Variants in SLC9A9 observed in about 807,000 individuals in gnomAD.
SLC9A9 encodes the protein sodium/hydrogen exchanger 9.
A neutral mutation model predicts 77.8 loss-of-function variants in SLC9A9; 62 were observed. The ratio of observed to expected loss-of-function variants is 0.80; its 90% CI spans 0.65 to 0.98. The LOEUF is 0.98. Among genes scored for constraint, SLC9A9 ranks in the 50% least tolerant of loss-of-function variants. The pLI is 0.00. For synonymous variants in SLC9A9, 320 were observed against 283.5 expected (o/e 1.13, Z -1.29); for missense variants, 775 against 774.9 (o/e 1.00, Z 0.00).
intron 9 of SLC9A9, among the ~76,000 whole-genome samples, chr3:143,551,306 C>T (rs536370820): frequency 4.6e-5 from 7 of 152,278 alleles, no homozygotes; most frequent in East Asian, 3.9e-4. Context: ...AATACATTCC[C>T]GTTATGTAAG....
At chr3:143,790,192 T>C (rs527934197) in intron 4 of SLC9A9, among the ~76,000 whole-genome samples, 148 of 152,304 alleles carry the variant, frequency 9.7e-4, no homozygotes, top group African/African-American at 2.8e-3. Context: ...TCTGCCATGA[T>C]TGTAAGTTTC....
chr3:143,625,935 C>T (rs2038316037), intron 6 of SLC9A9, among the ~76,000 whole-genome samples: 1 of 152,136 alleles, frequency 6.6e-6, no homozygotes, highest in South Asian at 2.1e-4. Context: ...AACAACCAAC[C>T]CCATCAAAAT....
At chr3:143,643,596 C>T (rs1339853833) in intron 6 of SLC9A9, among the ~76,000 whole-genome samples, 1 of 152,206 alleles carries the variant, frequency 6.6e-6, no homozygotes, top group Non-Finnish European at 1.5e-5. Flanking sequence ...TTGTTTCTCA[C>T]ACTTGGAGAA....
chr3:143,665,745 A>G (rs2039054661), intron 5 of SLC9A9, among the ~76,000 whole-genome samples: 1 of 152,232 alleles, frequency 6.6e-6, no homozygotes. Context: ...AAATGGATAA[A>G]TTCCTGGACA....
chr3:143,428,881 G>A (rs1389851788), intron 12 of SLC9A9, among the ~76,000 whole-genome samples: 3 of 152,230 alleles, frequency 2.0e-5, no homozygotes, highest in African/African-American at 4.8e-5. Flanking sequence ...TACAGGTAGA[G>A]AGTAGAATAG....
chr3:143,363,362 GT>G, intron 14 of SLC9A9, 121 bp downstream of exon 14: 2 of 879,384 alleles, frequency 2.3e-6, no homozygotes, highest in Non-Finnish European at 3.7e-6. Flanking sequence ...AAGTTTGGCT[GT>G]GAATTCACTT....
At chr3:143,326,018 C>T (rs1033315143) in intron 14 of SLC9A9, among the ~76,000 whole-genome samples, 3 of 152,124 alleles carry the variant, frequency 2.0e-5, no homozygotes, top group African/African-American at 4.8e-5. Flanking sequence ...CATGCAAGTG[C>T]TCTGCGAAAA....
In SLC9A9 at chr3:143,318,286, C is replaced by T. The variant is rs147594881; in HGVS notation, c.1604+45198G>A. On this transcript the variant is annotated intron_variant, in intron 14 of 15. Transcript: ENST00000316549. ...TTTAGACAGGAAAATGAGAAATAAA[C>T]AACTGAGAACGATATTAGGAAGAAG... is the stretch of plus-strand genomic sequence containing the variant. Among the ~76,000 whole-genome samples the T allele has an allele frequency of 3.3e-4, 50 of 152,218 alleles. No homozygotes were observed. The East Asian group carries it at 8.3e-3, about 25-fold the overall frequency.
At chr3:143,400,834 G>C (rs767631623) in intron 12 of SLC9A9, among the ~76,000 whole-genome samples, 1 of 151,970 alleles carries the variant, frequency 6.6e-6, no homozygotes, top group Non-Finnish European at 1.5e-5. Flanking sequence ...GAGACATCCT[G>C]TCTCTCAGGA....
intron 5 of SLC9A9, among the ~76,000 whole-genome samples, chr3:143,660,361 C>T (rs2038960560): frequency 6.6e-6 from 1 of 152,140 alleles, no homozygotes; most frequent in Non-Finnish European, 1.5e-5. Flanking sequence ...CTTGCAAGAG[C>T]CAGAGAGAGA....
At chr3:143,595,803 C>T (rs1220640520) in intron 6 of SLC9A9, among the ~76,000 whole-genome samples, 2 of 152,126 alleles carry the variant, frequency 1.3e-5, no homozygotes, top group African/African-American at 2.4e-5. Context: ...GTTTAATCCC[C>T]GATCTGGCAC....
intron 6 of SLC9A9, among the ~76,000 whole-genome samples, chr3:143,589,490 G>C (rs1342184578): frequency 2.0e-5 from 3 of 151,922 alleles, no homozygotes; most frequent in Non-Finnish European, 4.4e-5. Context: ...TTACCATTGG[G>C]TTATAACTGC....
intron 12 of SLC9A9, among the ~76,000 whole-genome samples, chr3:143,447,015 A>G (rs1401577744): frequency 6.6e-6 from 1 of 152,178 alleles, no homozygotes; most frequent in Non-Finnish European, 1.5e-5. Flanking sequence ...GCCATGATCA[A>G]TATTCTGCCT....
At chr3:143,411,015 A>G (rs1187609754) in intron 12 of SLC9A9, among the ~76,000 whole-genome samples, 4 of 152,254 alleles carry the variant, frequency 2.6e-5, no homozygotes, top group African/African-American at 9.6e-5. Context: ...GGCCTCTAAT[A>G]TAACTCTTTT....
Position 143,650,661 on chromosome 3 carries a change from T to A in SLC9A9, c.755+1594A>T, listed in dbSNP as rs1422928568. Among the ~76,000 whole-genome samples the A allele has an allele frequency of 2.0e-5, 3 of 152,226 alleles. No individual in the cohort carries two copies. The East Asian group carries it at 5.8e-4, about 29-fold the overall frequency. ...CTGGGATCACTGTACGATACCAGAATTGCCGAAGCTGAGGAGCACAAGATT... is the reference window on the plus strand; with the variant it reads ...CTGGGATCACTGTACGATACCAGAAATGCCGAAGCTGAGGAGCACAAGATT... On this transcript the variant is annotated intron_variant, in intron 6 of 15. Coordinates refer to ENST00000316549, the MANE Select transcript of SLC9A9 (RefSeq NM_173653.4).
chr3:143,473,944 A>G (rs1383324645), intron 11 of SLC9A9, among the ~76,000 whole-genome samples: 9 of 152,216 alleles, frequency 5.9e-5, no homozygotes, highest in Admixed American at 5.9e-4. Context: ...AGGTGTTTCT[A>G]GGTTGATTAT....
At chr3:143,739,516 AG>A (rs1935028499) in intron 4 of SLC9A9, among the ~76,000 whole-genome samples, 1 of 152,212 alleles carries the variant, frequency 6.6e-6, no homozygotes, top group Non-Finnish European at 1.5e-5. Flanking sequence ...ATTACAACAA[AG>A]ATGATGTTGA....
chr3:143,738,647 T>G (rs1025159250), intron 4 of SLC9A9, among the ~76,000 whole-genome samples: 2 of 152,146 alleles, frequency 1.3e-5, no homozygotes, highest in Non-Finnish European at 1.5e-5. Flanking sequence ...AAGGACCCAG[T>G]CCCATAAGAC....
At chr3:143,474,638 G>A (rs138804095) in intron 11 of SLC9A9, among the ~76,000 whole-genome samples, 95 of 152,030 alleles carry the variant, frequency 6.2e-4, no homozygotes, top group East Asian at 3.5e-3. Context: ...TTGTGTTCCC[G>A]CTTTATTACA....
Sources: gnomAD v4.1 joint callset for allele counts (sites outside exome capture counted in the v4.1 genomes callset) on GRCh38, gnomAD v4.1.1 for gene constraint, MANE v1.5 for transcripts, NCBI Gene and HGNC (gene_info 2026-07-23, HGNC 2026-07-21) for gene names.